Variants in ZNF648 observed in about 807,000 individuals in gnomAD.
The protein encoded by ZNF648 is zinc finger protein 648.
In ZNF648, 1 loss-of-function variant was observed where a neutral mutation model predicts 0.3. The ratio of observed to expected loss-of-function variants is 3.90; its 90% CI spans 1.39 to 18.51. ZNF648 has a LOEUF of 18.51. Ranked by LOEUF, ZNF648 falls within the 30% of genes most tolerant of loss-of-function variation. The probability of loss-of-function intolerance (pLI) is 0.11; values close to 1 mark genes in which losing one functional copy is unlikely to be tolerated. For synonymous variants in ZNF648, 376 were observed against 326.8 expected (o/e 1.15, Z -1.62); for missense variants, 874 against 769.7 (o/e 1.14, Z -1.60).
rs1320986461 is a variant in ZNF648, at chr1:182,057,142, T to TGGGA, written c.865_868dup (p.His290LeufsTer74). The TGGGA allele has an allele frequency of 6.2e-7, 1 of 1,604,000 alleles. No homozygotes were observed. The highest frequency in any genetic ancestry group is 1.1e-5 in the South Asian group (1 of 90,920). On this transcript the variant is annotated frameshift_variant, in exon 2 of 2. Transcript: ENST00000339948. LOFTEE classifies it low-confidence loss of function (END_TRUNC). ...CCTGTGCTGCTGGAGTGTGCCGCGG[T>TGGGA]GGGAGTAGGCCTTCCCGCATAGCTC...
At position 182,055,520 on chromosome 1, in the gene ZNF648, T is replaced by C. The variant is rs543568632; in HGVS notation, c.*784A>G. 1 of 152,320 alleles carries C rather than the reference T, an allele frequency of 6.6e-6. No homozygotes were observed. The highest frequency in any genetic ancestry group is 1.9e-4 in the East Asian group (1 of 5,188). The allele number at this position is 152,320 out of a possible 1,614,324, so 9.4% of individuals were successfully genotyped here. A position where few individuals can be genotyped will look rare whatever the true frequency, so the allele number is the denominator to read the frequency against. On this transcript the variant is annotated 3_prime_UTR_variant, in exon 2 of 2. Transcript: ENST00000339948. The surrounding 1 kb of genome is among the most constrained non-coding windows in gnomAD (Gnocchi z 4.1). Reference sequence around the variant, plus strand: ...AAAAGAGGCAGCCAGAGAGAAGGCATATATGAATTTATATGAATTCTGTGG... The same window carrying C: ...AAAAGAGGCAGCCAGAGAGAAGGCACATATGAATTTATATGAATTCTGTGG...
intron 1 of ZNF648, among the ~76,000 whole-genome samples, chr1:182,059,829 A>G (rs1312010507): frequency 1.3e-5 from 2 of 151,000 alleles, no homozygotes; most frequent in African/African-American, 2.4e-5. Flanking sequence ...GATAGATGCT[A>G]TTATTACTAT....
chr1:182,056,702 C>G lies in ZNF648; in HGVS notation c.1309G>C (p.Glu437Gln), dbSNP rs1389916572. 2 of 1,597,788 alleles carry G rather than the reference C, an allele frequency of 1.3e-6. No individual in the cohort carries two copies. Among genetic ancestry groups the G allele is most frequent in the East Asian group, 2.3e-5 (1 of 43,842 alleles). Residue 437 changes from glutamate (E) to glutamine (Q), a missense_variant, in exon 2 of 2, where the codon GAG becomes CAG. Coordinates refer to ENST00000339948, the MANE Select transcript of ZNF648 (RefSeq NM_001009992.1). Reference protein sequence around the residue: ...KCFTKSSNLSEHQTLHTGQRP... With the variant: ...KCFTKSSNLSQHQTLHTGQRP... ...TGGCCGGTGTGCAGCGTCTGGTGCT[C>G]GGACAGATTGGAGGACTTGGTGAAG...
chr1:182,066,073 AG>A (rs565877661), upstream of ZNF648, among the ~76,000 whole-genome samples: 63 of 152,328 alleles, frequency 4.1e-4, no homozygotes, highest in Non-Finnish European at 6.6e-4. Flanking sequence ...GAAACAAAGT[AG>A]GTGTTCTTTT....
the ZNF648 span, among the ~76,000 whole-genome samples, chr1:182,068,080 T>C: frequency 5.6e-3 from 849 of 152,352 alleles, 9 homozygotes; most frequent in Middle Eastern, 0.014. Context: ...TGCTTATCTT[T>C]ACGTAATAAA....
At chr1:182,059,632 C>A (rs778087598) in intron 1 of ZNF648, among the ~76,000 whole-genome samples, 1 of 151,954 alleles carries the variant, frequency 6.6e-6, no homozygotes, top group African/African-American at 2.4e-5. Flanking sequence ...ATTGGGAGGC[C>A]GAGGCAGACG....
rs149760320 is a variant in ZNF648, at chr1:182,057,822, G to A, written c.189C>T (p.His63=). ...GGGGCCATGGCAAGTCAGGATTTTC[G>A]TGTGTTACTGGGGAGCTGCCCCTTG... The part of the protein sequence containing the change: ...ACPRGSSPVT[H]ENPDLPWPHP... Residue 63 remains histidine (H), a synonymous_variant, in exon 2 of 2, where the codon CAC becomes CAT. Transcript: ENST00000339948. 1.1e-4 allele frequency: 181 copies of A among 1,614,184 alleles called. 1 individual carries two copies. The African/African-American group carries it at 1.1e-3, about 10-fold the overall frequency.
chr1:182,065,491 G>A (rs752307025), upstream of ZNF648, among the ~76,000 whole-genome samples: 70 of 152,146 alleles, frequency 4.6e-4, 1 homozygote, highest in Non-Finnish European at 8.5e-4. Flanking sequence ...CGTAACAACC[G>A]AGTAATTAGC....
At chr1:182,064,979 C>T (rs1234819401), upstream of ZNF648, 1 of 152,192 alleles carries the variant, frequency 6.6e-6, no homozygotes, top group Non-Finnish European at 1.5e-5. Flanking sequence ...AGCAATGGTA[C>T]ATTTATTGAG....
chr1:182,055,633 T>C lies in ZNF648; in HGVS notation c.*671A>G, dbSNP rs1665893454. On this transcript the variant is annotated 3_prime_UTR_variant, in exon 2 of 2. Transcript: ENST00000339948. This position sits in a 1 kb window ranked among gnomAD's most constrained non-coding sequence, Gnocchi z 4.1. Reference sequence around the variant, plus strand: ...AGATGCTAAGGCTGTCCTGAACTTCTAGAATAACTGGAATATGACATAAAC... The same window carrying C: ...AGATGCTAAGGCTGTCCTGAACTTCCAGAATAACTGGAATATGACATAAAC... 6.6e-6 allele frequency: 1 copy of C among 152,246 alleles called. No individual in the cohort carries two copies. Among genetic ancestry groups the C allele is most frequent in the Non-Finnish European group, 1.5e-5 (1 of 68,064 alleles). The allele number at this position is 152,246 out of a possible 1,614,324, so 9.4% of individuals were successfully genotyped here.
Position 182,056,344 on chromosome 1 carries a change from G to T in ZNF648, c.1667C>A (p.Thr556Asn). The change falls in exon 2 of 2, where the codon ACC becomes AAC. Residue 556 changes from threonine to asparagine, a missense_variant. By Grantham distance (65) the Thr-to-Asn change is moderately conservative (BLOSUM62 0). Coordinates refer to ENST00000339948, the MANE Select transcript of ZNF648 (RefSeq NM_001009992.1). ...GGAAGGGATGGGCTCCTTCTTGCAG[G>T]TGCCGTGCTTGGCTCGGTGTCGTTG... ...HLQRHRAKHG[T>N]CKKEPIPSSS... The T allele has an allele frequency of 6.2e-7, 1 of 1,613,920 alleles. No homozygotes were observed. Among genetic ancestry groups the T allele is most frequent in the South Asian group, 1.1e-5 (1 of 91,064 alleles).
rs770580332 is a variant in ZNF648 at position 182,056,298 on chromosome 1, C to CTA, written c.*4_*5dup. 1.2e-6 allele frequency: 2 copies of CTA among 1,600,730 alleles called. No individual in the cohort carries two copies. The highest frequency in any genetic ancestry group is 1.7e-6 in the Non-Finnish European group (2 of 1,172,390). ...GTTCCAAGTAGTGAGGTCGACGATG[C>CTA]TATCTTCACTCGTCAGAGGAGGAAG... On this transcript the variant is annotated 3_prime_UTR_variant, in exon 2 of 2. Transcript: ENST00000339948.
At chr1:182,067,918 C>T in the ZNF648 span, among the ~76,000 whole-genome samples, 2 of 152,242 alleles carry the variant, frequency 1.3e-5, no homozygotes, top group East Asian at 1.9e-4. Context: ...CCTCCACATT[C>T]CACCTCAGCC....
At chr1:182,062,088 C>G (rs1207346222), upstream of ZNF648, among the ~76,000 whole-genome samples, 2 of 152,204 alleles carry the variant, frequency 1.3e-5, no homozygotes, top group Non-Finnish European at 2.9e-5. Flanking sequence ...TAGTACCCAC[C>G]TTTTGCAGGA....
At position 182,055,955 on chromosome 1, in the gene ZNF648, C is replaced by T. The variant is rs1458171547; in HGVS notation, c.*349G>A. 7.4e-6 allele frequency: 2 copies of T among 271,580 alleles called. No individual in the cohort carries two copies. Among genetic ancestry groups the T allele is most frequent in the African/African-American group, 2.2e-5 (1 of 45,758 alleles). The allele number at this position is 271,580 out of a possible 1,614,324, so 16.8% of individuals were successfully genotyped here. ...AGGACAGGTTAGTCTTTTTCCCCAC[C>T]TTATCCCTGGAGCCCGGCCCAGTGC... On this transcript the variant is annotated 3_prime_UTR_variant, in exon 2 of 2. Coordinates refer to ENST00000339948, the MANE Select transcript of ZNF648 (RefSeq NM_001009992.1). This position sits in a 1 kb window ranked among gnomAD's most constrained non-coding sequence, Gnocchi z 4.1.
chr1:182,064,262 A>G (rs1326181412), upstream of ZNF648: 1 of 152,220 alleles, frequency 6.6e-6, no homozygotes, highest in Non-Finnish European at 1.5e-5. Context: ...TTTAATGGGA[A>G]TAGCACTGAA....
the ZNF648 span, among the ~76,000 whole-genome samples, chr1:182,068,127 T>G: frequency 3.3e-5 from 5 of 152,236 alleles, no homozygotes; most frequent in Admixed American, 1.3e-4. Context: ...CTTGTATCAG[T>G]GGGAATCCCT....
At position 182,056,907 on chromosome 1, in the gene ZNF648, C is replaced by T; in HGVS notation, c.1104G>A (p.Glu368=). 3.1e-6 allele frequency: 5 copies of T among 1,596,948 alleles called. No individual in the cohort carries two copies. Among genetic ancestry groups the T allele is most frequent in the Non-Finnish European group, 4.3e-6 (5 of 1,172,282 alleles). ...GCGGCTTGTTGAAGGTCAGGCCGCA[C>T]TCGGAGCACGGGAAGGGCTTATTGT... ...HSNNKPFPCS[E]CGLTFNKPLS... The change falls in exon 2 of 2, where the codon GAG becomes GAA. Residue 368 remains glutamate (E), a synonymous_variant. Coordinates refer to ENST00000339948, the MANE Select transcript of ZNF648 (RefSeq NM_001009992.1).
intron 1 of ZNF648, among the ~76,000 whole-genome samples, chr1:182,058,985 G>T (rs963588454): frequency 6.6e-6 from 1 of 152,092 alleles, no homozygotes; most frequent in African/African-American, 2.4e-5. Flanking sequence ...ACCATGCCCG[G>T]CTAATTTTTG....
Sources: allele counts gnomAD v4.1 joint callset (sites outside exome capture counted in the v4.1 genomes callset), GRCh38; gene constraint gnomAD v4.1.1; non-coding constraint Gnocchi (gnomAD v3.1); transcripts MANE v1.5; gene names NCBI Gene and HGNC (gene_info 2026-07-23, HGNC 2026-07-21).